CCSER1: variants seen among roughly 807,000 people sequenced by gnomAD.
CCSER1 encodes serine-rich coiled-coil domain-containing protein 1.
CCSER1 carries 41 observed loss-of-function variants against 82.0 expected under a neutral mutation model. The observed-to-expected ratio is 0.50, with a 90% CI of 0.39 to 0.65. CCSER1 has a LOEUF of 0.65. CCSER1 is among the 30% of genes least tolerant of loss of function. CCSER1 has a pLI of 0.00. For synonymous variants in CCSER1, 414 were observed against 383.9 expected, an observed-to-expected ratio of 1.08 and a Z score of -0.92; for missense variants, 1,119 against 1,064.2, an observed-to-expected ratio of 1.05 and a Z score of -0.72.
At chr4:91,438,818 G>C (rs958218743) in intron 10 of CCSER1, among the ~76,000 whole-genome samples, 1 of 152,188 alleles carries the variant, frequency 6.6e-6, no homozygotes, top group Non-Finnish European at 1.5e-5. Flanking sequence ...CAAGGCTCGA[G>C]AACTACGTGA....
At chr4:91,585,632 A>G (rs1487942653) in intron 10 of CCSER1, among the ~76,000 whole-genome samples, 1 of 151,510 alleles carries the variant, frequency 6.6e-6, no homozygotes, top group East Asian at 1.9e-4. Context: ...AAGGCTTAAA[A>G]TTTTCTAGGG....
At chr4:91,327,482 A>G (rs1458152302) in intron 10 of CCSER1, among the ~76,000 whole-genome samples, 2 of 152,208 alleles carry the variant, frequency 1.3e-5, no homozygotes, top group Non-Finnish European at 2.9e-5. Context: ...AGCCTGGCCC[A>G]TGAAACCATT....
At chr4:91,206,368 C>A (rs187995506) in intron 10 of CCSER1, among the ~76,000 whole-genome samples, 2 of 152,004 alleles carry the variant, frequency 1.3e-5, no homozygotes, top group East Asian at 3.9e-4. Flanking sequence ...ATGCAATTAG[C>A]CTCCTCTGCC....
chr4:90,797,400 A>G (rs948379441), intron 7 of CCSER1, among the ~76,000 whole-genome samples: 3 of 152,184 alleles, frequency 2.0e-5, no homozygotes, highest in Non-Finnish European at 4.4e-5. Context: ...TCTTGAAGAC[A>G]GCATACCAAT....
chr4:91,458,397 A>T (rs761343474), intron 10 of CCSER1, among the ~76,000 whole-genome samples: 40 of 152,114 alleles, frequency 2.6e-4, no homozygotes, highest in African/African-American at 6.3e-4. Context: ...TTTATACAGT[A>T]CCATGCATGC....
intron 10 of CCSER1, among the ~76,000 whole-genome samples, chr4:91,227,235 A>G (rs1662918615): frequency 6.6e-6 from 1 of 151,936 alleles, no homozygotes; most frequent in African/African-American, 2.4e-5. Flanking sequence ...ATATTCTTAT[A>G]CCATAAAGGA....
chr4:91,250,391 A>T (rs1740162118), intron 10 of CCSER1, among the ~76,000 whole-genome samples: 1 of 152,158 alleles, frequency 6.6e-6, no homozygotes, highest in Non-Finnish European at 1.5e-5. Flanking sequence ...GCAGAGCTAA[A>T]AAAGAACATT....
At chr4:90,871,678 C>CATCT (rs1181981195) in intron 8 of CCSER1, among the ~76,000 whole-genome samples, 1 of 151,750 alleles carries the variant, frequency 6.6e-6, no homozygotes, top group Non-Finnish European at 1.5e-5. Context: ...CTATTAGGCC[C>CATCT]ATTTGGTCTA....
intron 10 of CCSER1, among the ~76,000 whole-genome samples, chr4:91,172,764 T>C (rs1462035732): frequency 1.3e-5 from 2 of 152,168 alleles, no homozygotes; most frequent in Non-Finnish European, 2.9e-5. Context: ...AATAAAATCT[T>C]TATGTGACAC....
At chr4:90,887,098 C>T (rs558928689) in intron 8 of CCSER1, among the ~76,000 whole-genome samples, 1 of 151,912 alleles carries the variant, frequency 6.6e-6, no homozygotes, top group Non-Finnish European at 1.5e-5. Context: ...TTTTTAATTC[C>T]ATTTTTTAGG....
chr4:90,541,637 G>T lies in CCSER1; in HGVS notation c.1724+73283G>T, dbSNP rs1375285912. Among the ~76,000 whole-genome samples, 3 of 152,064 alleles carry T rather than the reference G, an allele frequency of 2.0e-5. No individual in the cohort carries two copies. The East Asian group carries it at 5.8e-4, about 29-fold the overall frequency. ...TAGCTGCTATGTATAAATATATGTA[G>T]TGTTCTCTCCTGTTCTCTCTCACTC... On this transcript the variant is annotated intron_variant, in intron 5 of 10. Coordinates refer to ENST00000509176, the MANE Select transcript of CCSER1 (RefSeq NM_001145065.2).
intron 6 of CCSER1, among the ~76,000 whole-genome samples, chr4:90,718,292 A>C (rs1259921279): frequency 2.0e-5 from 3 of 152,084 alleles, no homozygotes; most frequent in African/African-American, 7.2e-5. Flanking sequence ...CCTACACTTA[A>C]ATCTTTTTGT....
At chr4:90,739,116 G>A (rs1461053053) in intron 7 of CCSER1, among the ~76,000 whole-genome samples, 1 of 152,248 alleles carries the variant, frequency 6.6e-6, no homozygotes, top group Non-Finnish European at 1.5e-5. Flanking sequence ...CTCAAGGCAA[G>A]TGGCAAGTAC....
At chr4:90,131,999 A>C (rs981099672) in intron 1 of CCSER1, among the ~76,000 whole-genome samples, 1 of 152,226 alleles carries the variant, frequency 6.6e-6, no homozygotes, top group African/African-American at 2.4e-5. Context: ...CAGTAAAGAA[A>C]TTGCACAAAT....
intron 10 of CCSER1, among the ~76,000 whole-genome samples, chr4:91,276,793 A>G (rs1447780779): frequency 6.6e-6 from 1 of 152,136 alleles, no homozygotes; most frequent in Non-Finnish European, 1.5e-5. Context: ...TTTATCATAT[A>G]TGGCATTTGT....
chr4:91,560,414 T>G (rs543257929), intron 10 of CCSER1, among the ~76,000 whole-genome samples: 6 of 151,700 alleles, frequency 4.0e-5, no homozygotes, highest in Admixed American at 6.6e-5. Context: ...AAATGTTGAC[T>G]AAATGGATTA....
chr4:90,310,342 G>C (rs569920483), intron 2 of CCSER1, among the ~76,000 whole-genome samples: 3 of 151,926 alleles, frequency 2.0e-5, no homozygotes, highest in African/African-American at 7.2e-5. Flanking sequence ...GAAAATTTTT[G>C]AATATATACC....
intron 10 of CCSER1, among the ~76,000 whole-genome samples, chr4:91,535,756 C>T (rs769400179): frequency 2.6e-5 from 4 of 152,032 alleles, no homozygotes; most frequent in Non-Finnish European, 5.9e-5. Flanking sequence ...ATTGAGTCAA[C>T]AGACAAGTGT....
intron 7 of CCSER1, among the ~76,000 whole-genome samples, chr4:90,788,387 A>G (rs1349910783): frequency 6.6e-6 from 1 of 152,180 alleles, no homozygotes; most frequent in Non-Finnish European, 1.5e-5. Context: ...ATGGAAATCT[A>G]TTGTCACAGT....
Sources: allele counts gnomAD v4.1 joint callset (sites outside exome capture counted in the v4.1 genomes callset), GRCh38; gene constraint gnomAD v4.1.1; transcripts MANE v1.5; gene names NCBI Gene and HGNC (gene_info 2026-07-23, HGNC 2026-07-21).